The following IGF2R variants were observed in gnomAD, a reference collection of about 807,000 sequenced individuals.
IGF2R encodes the protein cation-independent mannose-6-phosphate receptor.
A neutral mutation model predicts 270.6 loss-of-function variants in IGF2R; 91 were observed. The observed-to-expected ratio is 0.34, with a 90% confidence interval of 0.28 to 0.40. The LOEUF is 0.40. Among genes scored for constraint, IGF2R ranks in the 10% least tolerant of loss-of-function variants. IGF2R has a pLI of 1.00. For synonymous variants in IGF2R, 1,316 were observed against 1,258.9 expected (o/e 1.05, Z -0.96); for missense variants, 2,805 against 3,188.3 (o/e 0.88, Z 2.90).
intron 45 of IGF2R, among the ~76,000 whole-genome samples, chr6:160,100,965 T>C (rs1201007966): frequency 1.3e-5 from 2 of 151,758 alleles, no homozygotes; most frequent in South Asian, 2.1e-4. Context: ...CTAATTTTTG[T>C]ATTTTTAGTA....
intron 10 of IGF2R, among the ~76,000 whole-genome samples, chr6:160,038,375 T>C (rs1488082640): frequency 2.0e-5 from 3 of 152,242 alleles, no homozygotes; most frequent in Non-Finnish European, 4.4e-5. Context: ...CTTACTGTTC[T>C]GCTAAAATTC....
chr6:160,001,896 G>A (rs1418350253), intron 2 of IGF2R, among the ~76,000 whole-genome samples: 3 of 152,064 alleles, frequency 2.0e-5, no homozygotes, highest in Non-Finnish European at 4.4e-5. Context: ...CTTGAACAAC[G>A]CTAGAGTTAG....
rs541756156 is a variant in IGF2R, at chr6:160,023,924, A to G, written c.514-648A>G. Among the ~76,000 whole-genome samples, 12 of 152,274 alleles carry G rather than the reference A, an allele frequency of 7.9e-5. No individual in the cohort carries two copies. The South Asian group carries it at 2.5e-3, about 32-fold the overall frequency. ...GTGAGAAGTGTTTCCAGGAGGCTGA[A>G]AAAGAGCTGGAAGTGGGGCAGAAGA... On this transcript the variant is annotated intron_variant, in intron 4 of 47. Transcript: ENST00000356956.
chr6:160,056,996 C>T (rs887202432), intron 20 of IGF2R, among the ~76,000 whole-genome samples: 17 of 152,198 alleles, frequency 1.1e-4, no homozygotes, highest in African/African-American at 3.9e-4. Flanking sequence ...GTGTGTCTCT[C>T]ACCTGTGCAT....
chr6:159,978,668 C>T (rs943047253), intron 1 of IGF2R, among the ~76,000 whole-genome samples: 11 of 151,830 alleles, frequency 7.2e-5, no homozygotes, highest in African/African-American at 2.2e-4. Context: ...AAAAAAAGTA[C>T]GGTCGTTTAG....
At chr6:160,053,189 A>G (rs957606573) in intron 19 of IGF2R, among the ~76,000 whole-genome samples, 1 of 151,670 alleles carries the variant, frequency 6.6e-6, no homozygotes, top group East Asian at 1.9e-4. Context: ...CAAACACTGC[A>G]TGTTCTCACT....
At chr6:159,978,683 T>C (rs920509002) in intron 1 of IGF2R, among the ~76,000 whole-genome samples, 12 of 152,196 alleles carry the variant, frequency 7.9e-5, no homozygotes, top group African/African-American at 2.4e-4. Flanking sequence ...GTTTAGGTTT[T>C]CGAGGTGCCC....
chr6:160,107,254 C>T lies in IGF2R; in HGVS notation c.*2170C>T, dbSNP rs1265746963. 6.6e-6 allele frequency: 1 copy of T among 152,268 alleles called. No individual in the cohort carries two copies. Among genetic ancestry groups the T allele is most frequent in the Non-Finnish European group, 1.5e-5 (1 of 68,052 alleles). The allele number at this position is 152,268 out of a possible 1,614,324, so 9.4% of individuals were successfully genotyped here. A position where few individuals can be genotyped will look rare whatever the true frequency, so the allele number is the denominator to read the frequency against. On this transcript the variant is annotated 3_prime_UTR_variant, in exon 48 of 48. Transcript: ENST00000356956. ...TTCTCCAGGCCATTCCCACCTCCTG[C>T]TAAGACCATGGGGAGCCCTCTCTGT...
intron 44 of IGF2R, 25 bp downstream of exon 44, chr6:160,090,128 TC>T (rs1779186832): frequency 1.4e-6 from 2 of 1,421,660 alleles, no homozygotes; most frequent in Admixed American, 2.7e-5. Context: ...CCCACAAAGT[TC>T]CACATTTAAC....
At chr6:160,074,923 G>T (rs556166800) in intron 35 of IGF2R, among the ~76,000 whole-genome samples, 1 of 152,168 alleles carries the variant, frequency 6.6e-6, no homozygotes, top group Non-Finnish European at 1.5e-5. Flanking sequence ...TTCTGACAGC[G>T]CAGACCGGGG....
At chr6:160,023,928 G>C (rs1296909660) in intron 4 of IGF2R, among the ~76,000 whole-genome samples, 2 of 152,160 alleles carry the variant, frequency 1.3e-5, no homozygotes, top group Non-Finnish European at 2.9e-5. Flanking sequence ...GGCTGAAAAA[G>C]AGCTGGAAGT....
chr6:160,020,099 T>C (rs975718032), intron 4 of IGF2R, among the ~76,000 whole-genome samples: 2 of 152,150 alleles, frequency 1.3e-5, no homozygotes, highest in Non-Finnish European at 2.9e-5. Context: ...GATACGTGAA[T>C]TCAGTAGTTT....
chr6:159,980,199 GA>G (rs1200573359), intron 1 of IGF2R, among the ~76,000 whole-genome samples: 1 of 76,330 alleles, frequency 1.3e-5, no homozygotes, highest in Non-Finnish European at 2.5e-5. Flanking sequence ...AAGAAAGAAA[GA>G]AAGAAAGAAA....
chr6:160,092,449 G>A (rs553390268), intron 44 of IGF2R, among the ~76,000 whole-genome samples: 2 of 152,402 alleles, frequency 1.3e-5, no homozygotes, highest in Admixed American at 1.3e-4. Context: ...CCAGCTTTCA[G>A]AGTGCTTGTG....
chr6:160,045,686 G>C, intron 13 of IGF2R, 59 bp from the exon 14 acceptor site: 1 of 1,597,698 alleles, frequency 6.3e-7, no homozygotes, highest in East Asian at 2.2e-5. Flanking sequence ...AGAAGAATGA[G>C]GTAAGATATT....
intron 2 of IGF2R, among the ~76,000 whole-genome samples, chr6:160,002,286 G>C (rs1341484151): frequency 2.0e-5 from 3 of 152,180 alleles, no homozygotes. Flanking sequence ...AACTACTTGG[G>C]AGGCTGAGGC....
intron 19 of IGF2R, among the ~76,000 whole-genome samples, chr6:160,054,159 G>A (rs535078288): frequency 6.6e-6 from 1 of 152,314 alleles, no homozygotes; most frequent in Non-Finnish European, 1.5e-5. Flanking sequence ...AGCGCTGGGA[G>A]GGAGGAAGAC....
chr6:159,993,816 A>AT (rs1424454598), intron 2 of IGF2R, among the ~76,000 whole-genome samples: 2 of 152,100 alleles, frequency 1.3e-5, no homozygotes, highest in African/African-American at 4.8e-5. Context: ...TGCTTTGGGC[A>AT]TTATGGTCAT....
chr6:160,024,765 T>C, intron 5 of IGF2R, 61 bp downstream of exon 5: 6 of 1,540,850 alleles, frequency 3.9e-6, no homozygotes. Context: ...GGCTTCAATA[T>C]CTTTGCCTTT....
Sources: allele counts gnomAD v4.1 joint callset (sites outside exome capture counted in the v4.1 genomes callset), GRCh38; gene constraint gnomAD v4.1.1; transcripts MANE v1.5; gene names NCBI Gene and HGNC (gene_info 2026-07-23, HGNC 2026-07-21).